The following DDX1 variants were observed in gnomAD, a reference collection of about 807,000 sequenced individuals.
DDX1 encodes ATP-dependent RNA helicase DDX1.
A neutral mutation model predicts 108.7 loss-of-function variants in DDX1; 28 were observed. That is an observed-to-expected ratio of 0.26 (90% CI 0.19 to 0.35). DDX1 has a LOEUF of 0.35. DDX1 is among the 10% of genes least tolerant of loss of function. DDX1 has a pLI of 1.00. For missense variants in DDX1, 710 were observed against 884.5 expected (o/e 0.80, Z 2.50); for synonymous variants, 295 against 288.9 (o/e 1.02, Z -0.21).
At chr2:15,619,623 ATGTT>A (rs1339418388) in intron 16 of DDX1, among the ~76,000 whole-genome samples, 1 of 152,228 alleles carries the variant, frequency 6.6e-6, no homozygotes, top group African/African-American at 2.4e-5. Context: ...ACTATGTAAA[ATGTT>A]TGCTTTACGT....
Position 15,623,521 on chromosome 2 carries a change from C to T in DDX1, c.1533C>T (p.Ile511=). The change falls in exon 19 of 26, where the codon ATC becomes ATT. Residue 511 remains isoleucine, a synonymous_variant. Transcript: ENST00000233084. The part of the protein sequence containing the change: ...IKEHKMDQAI[I]FCRTKIDCDN... ...AACATAAGATGGATCAAGCAATTAT[C>T]TTCTGTAGAACCAAAATTGACTGTG... is the stretch of plus-strand genomic sequence containing the variant. The T allele has an allele frequency of 1.2e-6, 2 of 1,613,562 alleles. No homozygotes were observed. The highest frequency in any genetic ancestry group is 1.7e-4 in the Middle Eastern group (1 of 6,056).
chr2:15,626,941 T>C, intron 19 of DDX1, 113 bp from the exon 20 acceptor site: 1 of 612,176 alleles, frequency 1.6e-6, no homozygotes, highest in Non-Finnish European at 2.8e-6. Context: ...AGTTGGGGCA[T>C]AGATTTTTAT....
intron 14 of DDX1, among the ~76,000 whole-genome samples, chr2:15,614,622 CG>C (rs1003779495): frequency 7.2e-5 from 11 of 152,262 alleles, no homozygotes; most frequent in Non-Finnish European, 1.0e-4. Flanking sequence ...GCAGGAGTTT[CG>C]GCCCGTTTTC....
Position 15,620,089 on chromosome 2 carries a change from G to A in DDX1, c.1207-119G>A, listed in dbSNP as rs940189443. 8.1e-6 allele frequency: 7 copies of A among 868,070 alleles called. No homozygotes were observed. The Admixed American group carries it at 1.7e-4, about 21-fold the overall frequency. 53.8% of individuals were successfully genotyped at this position (868,070 alleles called of 1,614,324 possible). The stretch of plus-strand genomic sequence containing the variant: ...CTCTAGTTGTCGCTACATAGAGTAA[G>A]GTGTTGAACTTATCTTTGGAGTCTA... On this transcript the variant is annotated intron_variant, in intron 16 of 25. Coordinates refer to ENST00000233084, the MANE Select transcript of DDX1 (RefSeq NM_004939.3).
At chr2:15,612,377 G>C (rs1205316647) in intron 13 of DDX1, among the ~76,000 whole-genome samples, 1 of 151,912 alleles carries the variant, frequency 6.6e-6, no homozygotes, top group Non-Finnish European at 1.5e-5. Context: ...TGGGCAGCTG[G>C]GCAGAGACGC....
At position 15,620,525 on chromosome 2, in the gene DDX1, C is replaced by T. The variant is rs1300168742; in HGVS notation, c.1395+129C>T. The stretch of plus-strand genomic sequence containing the variant: ...AAGAAAAGTCCAATACATCGTAAAC[C>T]CTTAGACCTTTAAAAAGCACTGAAT... On this transcript the variant is annotated intron_variant, in intron 17 of 25. Transcript: ENST00000233084. 6.4e-6 allele frequency: 4 copies of T among 625,368 alleles called. No homozygotes were observed. The East Asian group carries it at 1.1e-4, about 18-fold the overall frequency. The allele number at this position is 625,368 out of a possible 1,614,324, so 38.7% of individuals were successfully genotyped here.
At chr2:15,626,669 T>C (rs1190177596) in intron 19 of DDX1, among the ~76,000 whole-genome samples, 1 of 152,150 alleles carries the variant, frequency 6.6e-6, no homozygotes, top group East Asian at 1.9e-4. Flanking sequence ...GGAAGCACAT[T>C]AACTTGATGA....
intron 7 of DDX1, 109 bp from the exon 8 acceptor site, chr2:15,603,083 C>T (rs918137833): frequency 7.0e-6 from 5 of 711,224 alleles, no homozygotes; most frequent in Non-Finnish European, 1.2e-5. Flanking sequence ...ACCTATAATT[C>T]TTCATTTGGT....
In DDX1 at chr2:15,630,950, G is replaced by A. The variant is rs750996206; in HGVS notation, c.*44G>A. ...AAGATTTGAGTAATGAAAGTCTGTA[G>A]TCTTAAAACTCTAAAACAGTTGTAC... On this transcript the variant is annotated 3_prime_UTR_variant, in exon 26 of 26. Transcript: ENST00000233084. 1.3e-5 allele frequency: 21 copies of A among 1,596,974 alleles called. No homozygotes were observed. The South Asian group carries it at 2.3e-4, about 18-fold the overall frequency.
chr2:15,606,380 A>C lies in DDX1; in HGVS notation c.817+116A>C, dbSNP rs80276495. 2,296 of 672,192 alleles carry C rather than the reference A, an allele frequency of 3.4e-3. 56 individuals carry two copies. In the African/African-American group the frequency reaches 0.038, roughly 11 times the overall value. 41.6% of individuals were successfully genotyped at this position (672,192 alleles called of 1,614,324 possible). A position where few individuals can be genotyped will look rare whatever the true frequency, so the allele number is the denominator to read the frequency against. On this transcript the variant is annotated intron_variant, in intron 12 of 25. Coordinates refer to ENST00000233084, the MANE Select transcript of DDX1 (RefSeq NM_004939.3). ...ATACTTTCCTTGCTGGTTTAGTCAC[A>C]CATCTTTTTTTAACACAGCAGTAAA...
chr2:15,618,049 G>A, intron 15 of DDX1, 132 bp from the exon 16 acceptor site: 1 of 466,602 alleles, frequency 2.1e-6, no homozygotes, highest in Non-Finnish European at 4.0e-6. Context: ...GAAAATATAG[G>A]ACTATGTATA....
At chr2:15,595,380 G>A in intron 2 of DDX1, 110 bp from the exon 3 acceptor site, 1 of 957,854 alleles carries the variant, frequency 1.0e-6, no homozygotes, top group Non-Finnish European at 1.6e-6. Flanking sequence ...GGAATAAGAT[G>A]GATCGTATTT....
chr2:15,604,599 C>T (rs1665635817), intron 10 of DDX1, 90 bp downstream of exon 10: 7 of 806,328 alleles, frequency 8.7e-6, no homozygotes, highest in Middle Eastern at 2.3e-4. Context: ...TTTTTCAAAT[C>T]CCCGTCCCTC....
chr2:15,604,470 C>T lies in DDX1; in HGVS notation c.586C>T (p.Leu196=). ...TATGCATGATACCATTGGATGTTAC[C>T]TGGATATAGATAAGGGACATGTCAA... ...FTMHDTIGCY[L]DIDKGHVKFS... is the part of the protein sequence containing the mutation. The change falls in exon 10 of 26, where the codon CTG becomes TTG. Residue 196 remains leucine, a synonymous_variant. Coordinates refer to ENST00000233084, the MANE Select transcript of DDX1 (RefSeq NM_004939.3). 6.2e-7 allele frequency: 1 copy of T among 1,611,050 alleles called. No homozygotes were observed. Among genetic ancestry groups the T allele is most frequent in the African/African-American group, 1.3e-5 (1 of 74,924 alleles).
intron 5 of DDX1, among the ~76,000 whole-genome samples, chr2:15,597,858 T>C (rs1363328252): frequency 1.3e-5 from 2 of 152,186 alleles, no homozygotes; most frequent in African/African-American, 4.8e-5. Context: ...TGGGAAGTAT[T>C]GCCTTACAGG....
rs1281535701 is a variant in DDX1 at position 15,628,437 on chromosome 2, C to T, written c.1687-8C>T. The T allele has an allele frequency of 4.4e-6, 7 of 1,599,988 alleles. No homozygotes were observed. In the Admixed American group the frequency reaches 5.0e-5, roughly 11 times the overall value. On this transcript the variant is annotated splice_region_variant and splice_polypyrimidine_tract_variant and intron_variant, in intron 20 of 25. Coordinates refer to ENST00000233084, the MANE Select transcript of DDX1 (RefSeq NM_004939.3). ...CAAACTCCTTTCTCTCTTCACTGTT[C>T]TCTTTAGAAAGGAGATGTAAGATTC...
At chr2:15,622,948 A>C (rs768600837) in intron 18 of DDX1, among the ~76,000 whole-genome samples, 1 of 152,190 alleles carries the variant, frequency 6.6e-6, no homozygotes, top group Non-Finnish European at 1.5e-5. Flanking sequence ...TTTTGTGTTA[A>C]GGTTTTTACT....
intron 14 of DDX1, among the ~76,000 whole-genome samples, chr2:15,613,967 G>A (rs1422720595): frequency 1.3e-5 from 2 of 151,606 alleles, no homozygotes; most frequent in African/African-American, 4.8e-5. Flanking sequence ...CTCCTCAGTA[G>A]CTGGGATTAC....
intron 9 of DDX1, 139 bp from the exon 10 acceptor site, chr2:15,604,298 A>G (rs1665631057): frequency 8.0e-6 from 5 of 624,350 alleles, no homozygotes; most frequent in African/African-American, 3.7e-5. Context: ...TGCTTGTACT[A>G]TTGTATATGT....
Sources: allele counts gnomAD v4.1 joint callset (sites outside exome capture counted in the v4.1 genomes callset), GRCh38; gene constraint gnomAD v4.1.1; transcripts MANE v1.5; gene names NCBI Gene and HGNC (gene_info 2026-07-23, HGNC 2026-07-21).